ZBTB20: variants seen among roughly 807,000 people sequenced by gnomAD.
ZBTB20 encodes zinc finger and BTB domain-containing protein 20.
Under a neutral mutation model 56.9 loss-of-function variants are expected in ZBTB20, and 9 were observed. The ratio of observed to expected loss-of-function variants is 0.16; its 90% CI spans 0.10 to 0.28. The LOEUF (loss-of-function observed/expected upper bound fraction) is 0.28. Among genes scored for constraint, ZBTB20 ranks in the 10% least tolerant of loss-of-function variants. The probability of loss-of-function intolerance (pLI) is 1.00; values close to 1 mark genes in which losing one functional copy is unlikely to be tolerated. For missense variants in ZBTB20, 655 were observed against 1,003.0 expected, an observed-to-expected ratio of 0.65 and a Z score of 4.69; for synonymous variants, 417 against 420.7, an observed-to-expected ratio of 0.99 and a Z score of 0.11.
At chr3:115,102,655 GA>G (rs1449175237) in intron 1 of ZBTB20, 1 of 151,922 alleles carries the variant, frequency 6.6e-6, no homozygotes, top group East Asian at 1.9e-4. Context: ...AATTTAAAAG[GA>G]AAACAAATCT....
chr3:114,431,188 T>C (rs1471502669), intron 7 of ZBTB20, among the ~76,000 whole-genome samples: 5 of 151,938 alleles, frequency 3.3e-5, no homozygotes, highest in African/African-American at 4.8e-5. Flanking sequence ...TCTAAGGAAG[T>C]AGTGTAGTCT....
intron 2 of ZBTB20, among the ~76,000 whole-genome samples, chr3:115,056,950 G>A (rs2081816947): frequency 6.6e-6 from 1 of 152,088 alleles, no homozygotes; most frequent in South Asian, 2.1e-4. Context: ...GAGCCTCAAG[G>A]AGTTGGAGTC....
At chr3:114,968,861 T>C (rs2077758029) in intron 3 of ZBTB20, among the ~76,000 whole-genome samples, 3 of 152,208 alleles carry the variant, frequency 2.0e-5, no homozygotes, top group Admixed American at 2.0e-4. Context: ...TCATCTTGGA[T>C]GCAAATATTA....
intron 1 of ZBTB20, among the ~76,000 whole-genome samples, chr3:115,093,133 A>C (rs2083259851): frequency 6.6e-6 from 1 of 152,198 alleles, no homozygotes; most frequent in African/African-American, 2.4e-5. Flanking sequence ...AGACCTCCAG[A>C]TTTAACCACT....
intron 3 of ZBTB20, among the ~76,000 whole-genome samples, chr3:114,945,304 A>G (rs946026130): frequency 6.9e-6 from 1 of 145,584 alleles, no homozygotes; most frequent in Admixed American, 6.6e-5. Flanking sequence ...AGTAAAAGGA[A>G]AAGCATCTCA....
chr3:114,983,929 T>C (rs140986984), intron 2 of ZBTB20, among the ~76,000 whole-genome samples: 326 of 152,180 alleles, frequency 2.1e-3, no homozygotes, highest in Non-Finnish European at 4.0e-3. Context: ...ATTACAGTAA[T>C]GCTTTTTAAA....
chr3:114,977,247 T>C (rs1386106204), intron 2 of ZBTB20, among the ~76,000 whole-genome samples: 2 of 152,212 alleles, frequency 1.3e-5, no homozygotes, highest in African/African-American at 2.4e-5. Context: ...AGCCTTGCTA[T>C]GTAACAAATA....
At chr3:114,973,802 C>CA (rs1284050527) in intron 3 of ZBTB20, among the ~76,000 whole-genome samples, 1 of 152,140 alleles carries the variant, frequency 6.6e-6, no homozygotes, top group Non-Finnish European at 1.5e-5. Context: ...AAGCCTCCTT[C>CA]AATCCCTGTG....
At chr3:114,783,791 CAAA>C (rs5851935) in intron 5 of ZBTB20, among the ~76,000 whole-genome samples, 5 of 131,016 alleles carry the variant, frequency 3.8e-5, no homozygotes, top group African/African-American at 8.6e-5. Flanking sequence ...GACTCTGCCT[CAAA>C]AAAAAAAAAA....
At chr3:114,452,282 T>C (rs956531617) in intron 7 of ZBTB20, among the ~76,000 whole-genome samples, 1 of 152,138 alleles carries the variant, frequency 6.6e-6, no homozygotes. Context: ...ATTTTTCTCC[T>C]TAAGCACTAT....
At chr3:114,384,176 C>T (rs1188312905) in intron 8 of ZBTB20, among the ~76,000 whole-genome samples, 1 of 151,118 alleles carries the variant, frequency 6.6e-6, no homozygotes, top group African/African-American at 2.4e-5. Context: ...CTCTCCAACC[C>T]CTTCCTCCTC....
intron 3 of ZBTB20, among the ~76,000 whole-genome samples, chr3:114,957,998 G>T (rs1316581313): frequency 6.6e-6 from 1 of 152,122 alleles, no homozygotes; most frequent in Non-Finnish European, 1.5e-5. Context: ...TGCTATTAAT[G>T]GAATTCCATG....
At chr3:114,514,002 A>G (rs953704768) in intron 6 of ZBTB20, among the ~76,000 whole-genome samples, 4 of 152,070 alleles carry the variant, frequency 2.6e-5, no homozygotes, top group African/African-American at 9.7e-5. Context: ...ATGTATGTGT[A>G]TATGTATGTA....
intron 11 of ZBTB20, among the ~76,000 whole-genome samples, chr3:114,341,231 A>T (rs1180788495): frequency 4.0e-5 from 6 of 151,624 alleles, no homozygotes; most frequent in Admixed American, 2.6e-4. Flanking sequence ...TTTGCTGAAG[A>T]CTTCAGTCTA....
At chr3:114,403,430 C>T (rs555311047) in intron 7 of ZBTB20, among the ~76,000 whole-genome samples, 4 of 152,104 alleles carry the variant, frequency 2.6e-5, no homozygotes, top group African/African-American at 9.7e-5. Flanking sequence ...TACAAAGGCA[C>T]AGCAGTTCAG....
At chr3:114,815,829 G>A (rs139619891) in intron 4 of ZBTB20, among the ~76,000 whole-genome samples, 1,745 of 152,208 alleles carry the variant, frequency 0.011, 15 homozygotes, top group South Asian at 0.042. Flanking sequence ...TGAACAAAAT[G>A]AAATGGCAAA....
At chr3:114,831,035 T>C (rs1001151147) in intron 4 of ZBTB20, among the ~76,000 whole-genome samples, 12 of 148,522 alleles carry the variant, frequency 8.1e-5, no homozygotes, top group Admixed American at 8.1e-4. Flanking sequence ...TTGAGAACAA[T>C]TAAAATCCCT....
chr3:114,518,145 G>A (rs2046232176), intron 6 of ZBTB20, among the ~76,000 whole-genome samples: 1 of 152,144 alleles, frequency 6.6e-6, no homozygotes, highest in East Asian at 1.9e-4. Context: ...CACTGCTTTA[G>A]GGCTGGGGTA....
chr3:114,517,623 C>T (rs1418809975), intron 6 of ZBTB20, among the ~76,000 whole-genome samples: 1 of 151,622 alleles, frequency 6.6e-6, no homozygotes, highest in East Asian at 1.9e-4. Context: ...GTTGCCCAGG[C>T]TGAAGTGCTG....
Sources: allele counts gnomAD v4.1 joint callset (sites outside exome capture counted in the v4.1 genomes callset), GRCh38; gene constraint gnomAD v4.1.1; transcripts MANE v1.5; gene names NCBI Gene and HGNC (gene_info 2026-07-23, HGNC 2026-07-21).